The following SLC13A2 variants were observed in gnomAD, a reference collection of about 807,000 sequenced individuals.
SLC13A2 encodes the protein solute carrier family 13 member 2.
A neutral mutation model predicts 58.5 loss-of-function variants in SLC13A2; 40 were observed. The observed-to-expected ratio is 0.68, with a 90% confidence interval of 0.53 to 0.89. The LOEUF (loss-of-function observed/expected upper bound fraction) is 0.89, where lower values mean the gene tolerates loss of function less well. Among genes scored for constraint, SLC13A2 ranks in the 40% least tolerant of loss-of-function variants. The pLI, the probability that SLC13A2 is intolerant of heterozygous loss-of-function variation, is 0.00. For synonymous variants in SLC13A2, 341 were observed against 331.6 expected, an observed-to-expected ratio of 1.03 and a Z score of -0.31; for missense variants, 694 against 772.6, an observed-to-expected ratio of 0.90 and a Z score of 1.21.
Position 28,496,311 on chromosome 17 carries a change from G to A in SLC13A2, c.1471-139G>A. 9 of 1,154,550 alleles carry A rather than the reference G, an allele frequency of 7.8e-6. No individual in the cohort carries two copies. Among genetic ancestry groups the A allele is most frequent in the Non-Finnish European group, 1.1e-5 (9 of 844,500 alleles). The allele number at this position is 1,154,550 out of a possible 1,614,324, so 71.5% of individuals were successfully genotyped here. Reference sequence around the variant, plus strand: ...TTCCAGGTCACCCAGTGCCTTCTGGGAGAAGAGGTGGGCTCATGACCAGAG... The same window carrying A: ...TTCCAGGTCACCCAGTGCCTTCTGGAAGAAGAGGTGGGCTCATGACCAGAG... On this transcript the variant is annotated intron_variant, in intron 10 of 11. Coordinates refer to ENST00000314669, the MANE Select transcript of SLC13A2 (RefSeq NM_003984.4). The surrounding 1 kb of genome is among the most constrained non-coding windows in gnomAD (Gnocchi z 4.2).
Position 28,491,768 on chromosome 17 carries a change from C to G in SLC13A2, c.794C>G (p.Ser265Cys). The change falls in exon 6 of 12, where the codon TCC becomes TGC. Residue 265 changes from serine to cysteine, a missense_variant. By Grantham distance (112) the Ser-to-Cys change is moderately radical (BLOSUM62 -1). Transcript: ENST00000314669. ...AACGGCAACGTGGTGAACTTCGCCT[C>G]CTGGTTCAGCTTCGCCTTCCCCACC... ...PQNGNVVNFA[S>C]WFSFAFPTMV... 1 of 1,614,204 alleles carries G rather than the reference C, an allele frequency of 6.2e-7. No homozygotes were observed. Among genetic ancestry groups the G allele is most frequent in the Non-Finnish European group, 8.5e-7 (1 of 1,180,034 alleles).
At chr17:28,485,545 A>T (rs1555601834) in intron 1 of SLC13A2, among the ~76,000 whole-genome samples, 1 of 152,164 alleles carries the variant, frequency 6.6e-6, no homozygotes, top group East Asian at 1.9e-4. Context: ...GCCCTCAGGG[A>T]GTGCCCGAGA....
At position 28,494,492 on chromosome 17, in the gene SLC13A2, GC is replaced by G. The variant is rs1177976463; in HGVS notation, c.1291del (p.Leu431TrpfsTer18). 9.9e-6 allele frequency: 16 copies of G among 1,613,906 alleles called. No individual in the cohort carries two copies. Among genetic ancestry groups the G allele is most frequent in the African/African-American group, 1.3e-5 (1 of 74,912 alleles). ...NIVLLLGGGYALAKGSERSGL... is the reference protein window; with the variant it reads ...NIVLLLGGGYXLAKGSERSGL... Reference sequence around the variant, plus strand: ...CGTGTTATTGCTGGGTGGTGGCTATGCCCTGGCCAAGGGCAGTGAGGTGAGA... The same window carrying G: ...CGTGTTATTGCTGGGTGGTGGCTATGCCTGGCCAAGGGCAGTGAGGTGAGA... On this transcript the variant is annotated frameshift_variant, in exon 9 of 12. Transcript: ENST00000314669. LOFTEE classifies it high-confidence loss of function. The surrounding 1 kb of genome is among the most constrained non-coding windows in gnomAD (Gnocchi z 4.0).
chr17:28,491,492 C>T lies in SLC13A2; in HGVS notation c.630C>T (p.Leu210=), dbSNP rs782023629. The T allele has an allele frequency of 6.2e-7, 1 of 1,613,796 alleles. No homozygotes were observed. The highest frequency in any genetic ancestry group is 8.5e-7 in the Non-Finnish European group (1 of 1,180,044). Residue 210 remains leucine, a synonymous_variant, in exon 5 of 12, where the codon CTC becomes CTT. Coordinates refer to ENST00000314669, the MANE Select transcript of SLC13A2 (RefSeq NM_003984.4). ...CCTCTTCGGAGGGGAGGGCACATCT[C>T]AGCCAGAAGCATCTCCACCTCACCC... ...TSASSEGRAH[L]SQKHLHLTQC... is the part of the protein sequence containing the mutation.
chr17:28,477,287 A>G (rs1193519362), intron 1 of SLC13A2, among the ~76,000 whole-genome samples: 6 of 134,204 alleles, frequency 4.5e-5, no homozygotes, highest in East Asian at 4.8e-4. Context: ...TCCGCCTCCC[A>G]GGTTCATGCC....
At chr17:28,477,385 G>A (rs746562699) in intron 1 of SLC13A2, among the ~76,000 whole-genome samples, 51 of 150,044 alleles carry the variant, frequency 3.4e-4, no homozygotes, top group Non-Finnish European at 4.9e-4. Context: ...TAGTAGAGAC[G>A]GGGTTTCACC....
chr17:28,494,032 G>A lies in SLC13A2; in HGVS notation c.1113G>A (p.Gly371=). 6.2e-7 allele frequency: 1 copy of A among 1,614,118 alleles called. No homozygotes were observed. Among genetic ancestry groups the A allele is most frequent in the Non-Finnish European group, 8.5e-7 (1 of 1,179,998 alleles). ...NAKGESMVSD[G]TVAIFIGIIM... ...CCACCAACAGCATGGTGTCCGATGG[G>A]ACAGTGGCCATCTTCATCGGCATAA... Residue 371 remains glycine (G), a synonymous_variant, in exon 8 of 12, where the codon GGG becomes GGA. Transcript: ENST00000314669. The surrounding 1 kb of genome is among the most constrained non-coding windows in gnomAD (Gnocchi z 4.0).
intron 6 of SLC13A2, 150 bp downstream of exon 6, chr17:28,492,002 T>A: frequency 8.6e-7 from 1 of 1,163,198 alleles, no homozygotes; most frequent in East Asian, 2.5e-5. Flanking sequence ...TGGACCCCCA[T>A]TTGAGGAAAT....
At chr17:28,497,027 C>T in intron 11 of SLC13A2, 72 bp from the exon 12 acceptor site, 1 of 1,536,804 alleles carries the variant, frequency 6.5e-7, no homozygotes, top group East Asian at 2.3e-5. Flanking sequence ...CCTGTGCACC[C>T]CCAAACACCT....
At chr17:28,485,120 C>A (rs192989986) in intron 1 of SLC13A2, among the ~76,000 whole-genome samples, 217 of 152,322 alleles carry the variant, frequency 1.4e-3, no homozygotes, top group Non-Finnish European at 2.5e-3. Context: ...GGGGAACAAC[C>A]ACCCTGCTGG....
rs781934771 is a variant in SLC13A2 at position 28,496,554 on chromosome 17, C to G, written c.1575C>G (p.Val525=). The G allele has an allele frequency of 6.2e-7, 1 of 1,613,856 alleles. No individual in the cohort carries two copies. The highest frequency in any genetic ancestry group is 8.5e-7 in the Non-Finnish European group (1 of 1,179,822). The change falls in exon 11 of 12, where the codon GTC becomes GTG. Residue 525 remains valine (V), a synonymous_variant. Transcript: ENST00000314669. The surrounding 1 kb of genome is among the most constrained non-coding windows in gnomAD (Gnocchi z 4.2). ...TGGCCACCCCGCCCAATGCCATCGT[C>G]TTCTCTTTCGGGGACCTCAAAGTGT... ...LPVATPPNAI[V]FSFGDLKVLD...
At chr17:28,484,774 C>T (rs1304935075) in intron 1 of SLC13A2, among the ~76,000 whole-genome samples, 2 of 152,106 alleles carry the variant, frequency 1.3e-5, no homozygotes, top group African/African-American at 4.8e-5. Context: ...TGGGAGCACT[C>T]AAGGGGCAGA....
chr17:28,484,114 G>A (rs1341257299), intron 1 of SLC13A2, among the ~76,000 whole-genome samples: 1 of 152,186 alleles, frequency 6.6e-6, no homozygotes. Flanking sequence ...ACCTCGCTGG[G>A]GTGAGCAGAA....
At chr17:28,486,748 A>G (rs2068889347) in intron 1 of SLC13A2, among the ~76,000 whole-genome samples, 1 of 151,090 alleles carries the variant, frequency 6.6e-6, no homozygotes, top group Non-Finnish European at 1.5e-5. Flanking sequence ...GGGAGCAGGG[A>G]GCCATGCATC....
chr17:28,489,669 A>G (rs1274773477), intron 2 of SLC13A2, among the ~76,000 whole-genome samples: 1 of 152,220 alleles, frequency 6.6e-6, no homozygotes, highest in Non-Finnish European at 1.5e-5. Context: ...GAACTTGAAC[A>G]GCATCGGAGT....
chr17:28,487,623 G>T, intron 1 of SLC13A2: 1 of 977,946 alleles, frequency 1.0e-6, no homozygotes, highest in Non-Finnish European at 1.2e-6. Flanking sequence ...AGGACACCAG[G>T]GTCCAGGAGG....
chr17:28,482,492 C>A (rs1189945817), intron 1 of SLC13A2, among the ~76,000 whole-genome samples: 1 of 152,140 alleles, frequency 6.6e-6, no homozygotes, highest in Admixed American at 6.5e-5. Context: ...GTGTACAAAC[C>A]CCTACATCAG....
intron 1 of SLC13A2, among the ~76,000 whole-genome samples, chr17:28,477,670 ATAT>A (rs1329135549): frequency 4.6e-5 from 7 of 152,204 alleles, no homozygotes; most frequent in Non-Finnish European, 1.0e-4. Context: ...CATAATAATA[ATAT>A]TGACATTTGT....
chr17:28,491,294 G>A, intron 4 of SLC13A2, 143 bp from the exon 5 acceptor site: 1 of 867,846 alleles, frequency 1.2e-6, no homozygotes, highest in Non-Finnish European at 1.8e-6. Flanking sequence ...GGCCCCTCAG[G>A]CCTGGAGACA....
Sources: gnomAD v4.1 joint callset for allele counts (sites outside exome capture counted in the v4.1 genomes callset) on GRCh38, gnomAD v4.1.1 for gene constraint, Gnocchi (gnomAD v3.1) non-coding constraint, MANE v1.5 for transcripts, NCBI Gene and HGNC (gene_info 2026-07-23, HGNC 2026-07-21) for gene names.